OR6N1: variants seen among roughly 807,000 people sequenced by gnomAD.
The protein encoded by OR6N1 is olfactory receptor family 6 subfamily N member 1, also known as olfactory receptor 6N1.
For synonymous variants in OR6N1, 170 were observed against 150.7 expected, an observed-to-expected ratio of 1.13 and a Z score of -0.94; for missense variants, 394 against 371.7, an observed-to-expected ratio of 1.06 and a Z score of -0.49.
At chr1:158,799,484 G>T in the OR6N1 span, among the ~76,000 whole-genome samples, 1 of 152,202 alleles carries the variant, frequency 6.6e-6, no homozygotes, top group Non-Finnish European at 1.5e-5. Context: ...AGTTGTCAGG[G>T]ATGGTAAGGA....
At chr1:158,830,101 C>A in the OR6N1 span, among the ~76,000 whole-genome samples, 1 of 152,252 alleles carries the variant, frequency 6.6e-6, no homozygotes, top group Middle Eastern at 3.4e-3. Context: ...CAGAGCCAAA[C>A]CATATCAGGG....
At chr1:158,835,217 T>A in the OR6N1 span, among the ~76,000 whole-genome samples, 3 of 152,214 alleles carry the variant, frequency 2.0e-5, no homozygotes, top group Non-Finnish European at 2.9e-5. Context: ...CCTTGGGTAT[T>A]GACACCTTAA....
At chr1:158,822,979 G>T in the OR6N1 span, among the ~76,000 whole-genome samples, 1 of 152,102 alleles carries the variant, frequency 6.6e-6, no homozygotes, top group East Asian at 1.9e-4. Context: ...TGTGGGCTTT[G>T]TTTTTAGCTG....
At chr1:158,807,301 A>G in the OR6N1 span, among the ~76,000 whole-genome samples, 1 of 152,252 alleles carries the variant, frequency 6.6e-6, no homozygotes, top group East Asian at 1.9e-4. Context: ...TATTTCTGGC[A>G]TAGTACAGAC....
At chr1:158,771,428 C>T (rs1657421428) in intron 1 of OR6N1, among the ~76,000 whole-genome samples, 1 of 152,158 alleles carries the variant, frequency 6.6e-6, no homozygotes, top group Non-Finnish European at 1.5e-5. Flanking sequence ...ATGACTTGTG[C>T]AGCTCTTTAG....
the OR6N1 span, among the ~76,000 whole-genome samples, chr1:158,819,971 C>A: frequency 6.6e-6 from 1 of 152,216 alleles, no homozygotes; most frequent in Admixed American, 6.5e-5. Flanking sequence ...AGGGGTCTCA[C>A]AGCCTTCAGA....
the OR6N1 span, among the ~76,000 whole-genome samples, chr1:158,833,431 G>T: frequency 6.6e-6 from 1 of 152,072 alleles, no homozygotes; most frequent in Non-Finnish European, 1.5e-5. Context: ...CCTCCAGAAC[G>T]CCTTTGCATC....
the OR6N1 span, among the ~76,000 whole-genome samples, chr1:158,823,400 C>G: frequency 6.6e-6 from 1 of 152,012 alleles, no homozygotes; most frequent in Non-Finnish European, 1.5e-5. Flanking sequence ...CATTATTGGT[C>G]TGTTCAGGGA....
At chr1:158,836,849 A>G in the OR6N1 span, among the ~76,000 whole-genome samples, 2 of 151,768 alleles carry the variant, frequency 1.3e-5, no homozygotes, top group Non-Finnish European at 3.0e-5. Flanking sequence ...AGTTGTTTAA[A>G]TCTGTAAATT....
chr1:158,800,511 G>A, the OR6N1 span, among the ~76,000 whole-genome samples: 1 of 152,120 alleles, frequency 6.6e-6, no homozygotes, highest in Non-Finnish European at 1.5e-5. Context: ...TTACCTGAGG[G>A]TATATTGCCA....
chr1:158,776,522 A>G, upstream of OR6N1: 1 of 494,220 alleles, frequency 2.0e-6, no homozygotes. Context: ...ATCGAGTAAA[A>G]AATAGAAATA....
chr1:158,832,116 C>G, the OR6N1 span, among the ~76,000 whole-genome samples: 2 of 152,036 alleles, frequency 1.3e-5, no homozygotes, highest in Admixed American at 6.6e-5. Context: ...AGAAATAATT[C>G]TCTTTTTCAA....
the OR6N1 span, among the ~76,000 whole-genome samples, chr1:158,784,903 A>C: frequency 6.6e-6 from 1 of 152,222 alleles, no homozygotes; most frequent in African/African-American, 2.4e-5. Flanking sequence ...ATAATAAATA[A>C]AATCAGTATA....
chr1:158,819,071 G>A, the OR6N1 span, among the ~76,000 whole-genome samples: 1 of 152,162 alleles, frequency 6.6e-6, no homozygotes, highest in Admixed American at 6.5e-5. Context: ...GAGGGAGCTG[G>A]TGCCAGCTCA....
the OR6N1 span, among the ~76,000 whole-genome samples, chr1:158,792,315 G>T: frequency 6.6e-6 from 1 of 152,106 alleles, no homozygotes; most frequent in Non-Finnish European, 1.5e-5. Context: ...CCTAAAGAAA[G>T]CAGATATGTG....
the OR6N1 span, among the ~76,000 whole-genome samples, chr1:158,813,262 T>A: frequency 6.6e-6 from 1 of 152,192 alleles, no homozygotes; most frequent in African/African-American, 2.4e-5. Flanking sequence ...TTTCTAAGAA[T>A]TTATCCTGCA....
chr1:158,765,004 A>G lies in OR6N1; in HGVS notation c.*740T>C, dbSNP rs1571598681. 1 of 151,982 alleles carries G rather than the reference A, an allele frequency of 6.6e-6. No homozygotes were observed. Among genetic ancestry groups the G allele is most frequent in the South Asian group, 2.1e-4 (1 of 4,830 alleles). The allele number at this position is 151,982 out of a possible 1,614,324, so 9.4% of individuals were successfully genotyped here. A position where few individuals can be genotyped will look rare whatever the true frequency, so the allele number is the denominator to read the frequency against. The stretch of plus-strand genomic sequence containing the variant: ...ACTTGGAAAGTATTTTTGTTTATTT[A>G]TGTTTTACTAGATATTGTTCTAAGA... On this transcript the variant is annotated 3_prime_UTR_variant, in exon 2 of 2. Coordinates refer to ENST00000641846, the MANE Select transcript of OR6N1 (RefSeq NM_001005185.2).
chr1:158,796,824 GAT>G, the OR6N1 span, among the ~76,000 whole-genome samples: 2 of 149,740 alleles, frequency 1.3e-5, no homozygotes, highest in African/African-American at 4.9e-5. Context: ...TCCTTTATCT[GAT>G]ATATTTTTGT....
the OR6N1 span, among the ~76,000 whole-genome samples, chr1:158,826,152 A>T: frequency 2.6e-5 from 4 of 152,166 alleles, no homozygotes; most frequent in Admixed American, 6.5e-5. Flanking sequence ...ATATTAAAAA[A>T]AAAAAACCTA....
Sources: allele counts gnomAD v4.1 joint callset (sites outside exome capture counted in the v4.1 genomes callset), GRCh38; gene constraint gnomAD v4.1.1; transcripts MANE v1.5; gene names NCBI Gene and HGNC (gene_info 2026-07-23, HGNC 2026-07-21).